GRIN2B: variants seen among roughly 807,000 people sequenced by gnomAD.
The protein encoded by GRIN2B is glutamate receptor ionotropic, NMDA 2B.
A neutral mutation model predicts 114.5 loss-of-function variants in GRIN2B; 5 were observed. The observed-to-expected ratio is 0.04, with a 90% CI of 0.02 to 0.09. GRIN2B has a LOEUF of 0.09. Among genes scored for constraint, GRIN2B ranks in the 10% least tolerant of loss-of-function variants. GRIN2B has a pLI of 1.00. For synonymous variants in GRIN2B, 787 were observed against 745.1 expected (o/e 1.06, Z -0.92); for missense variants, 1,108 against 1,943.5 (o/e 0.57, Z 8.08).
In GRIN2B at chr12:13,971,012, C is replaced by T. The variant is rs111880572; in HGVS notation, c.-19+8916G>A. Among the ~76,000 whole-genome samples the T allele has an allele frequency of 3.2e-4, 49 of 152,322 alleles. No homozygotes were observed. The South Asian group carries it at 4.1e-3, about 13-fold the overall frequency. On this transcript the variant is annotated intron_variant, in intron 2 of 13. Transcript: ENST00000609686. Reference sequence around the variant, plus strand: ...AGCAATTGTGGCTCCACAGAGCTCACGGGTGAAACTGATCTATCTGCATGG... The same window carrying T: ...AGCAATTGTGGCTCCACAGAGCTCATGGGTGAAACTGATCTATCTGCATGG...
In GRIN2B at chr12:13,555,795, T is replaced by C. The variant is rs1209340171; in HGVS notation, c.*6988A>G. 3.3e-5 allele frequency: 5 copies of C among 152,164 alleles called. No individual in the cohort carries two copies. Among genetic ancestry groups the C allele is most frequent in the African/African-American group, 1.2e-4 (5 of 41,438 alleles). 9.4% of individuals were successfully genotyped at this position (152,164 alleles called of 1,614,324 possible). On this transcript the variant is annotated 3_prime_UTR_variant, in exon 14 of 14. Transcript: ENST00000609686. ...TAAAACAAATTTATCAAGCACAGAA[T>C]GTGACACTGAGTCAACATTGGAGAA...
chr12:13,564,560 T>C lies in GRIN2B; in HGVS notation c.2678A>G (p.Asn893Ser). ...VMNSPTATMNNTHSNILRLLR... is the reference protein window; with the variant it reads ...VMNSPTATMNSTHSNILRLLR... ...CAGGCGCAGGATGTTGGAGTGTGTG[T>C]TGTTCATGGTTGCGGTGGGGGAGTT... is the stretch of plus-strand genomic sequence containing the variant. Residue 893 changes from asparagine (N) to serine (S), a missense_variant, in exon 14 of 14, where the codon AAC (asparagine) becomes AGC (serine). Around this residue, in one of 19 missense-constraint regions of GRIN2B, gnomAD observed 27 missense variants for 51.7 expected, o/e 0.52. Transcript: ENST00000609686. The surrounding 1 kb of genome is among the most constrained non-coding windows in gnomAD (Gnocchi z 4.8). 1 of 1,614,100 alleles carries C rather than the reference T, an allele frequency of 6.2e-7. No homozygotes were observed. The highest frequency in any genetic ancestry group is 8.5e-7 in the Non-Finnish European group (1 of 1,180,004).
Position 13,564,158 on chromosome 12 carries a change from A to C in GRIN2B, c.3080T>G (p.Leu1027Arg). 6.2e-7 allele frequency: 1 copy of C among 1,613,898 alleles called. No homozygotes were observed. The highest frequency in any genetic ancestry group is 8.5e-7 in the Non-Finnish European group (1 of 1,179,962). Residue 1027 changes from leucine to arginine, a missense_variant, in exon 14 of 14, where the codon CTC becomes CGC. Physicochemically the swap from Leu to Arg is moderately radical, Grantham distance 102. Around this residue, in one of 19 missense-constraint regions of GRIN2B, gnomAD observed 140 missense variants for 187.5 expected, o/e 0.75. Coordinates refer to ENST00000609686, the MANE Select transcript of GRIN2B (RefSeq NM_000834.5). This position sits in a 1 kb window ranked among gnomAD's most constrained non-coding sequence, Gnocchi z 4.8. ...SISKKPLDIG[L>R]PSSKHSQLSD... ...GAGCTGGCTGTGCTTGGAGGAGGGG[A>C]GGCCGATGTCCAGGGGCTTCTTGCT...
chr12:13,768,430 G>A (rs576170759), intron 3 of GRIN2B, among the ~76,000 whole-genome samples: 14 of 152,266 alleles, frequency 9.2e-5, no homozygotes, highest in Admixed American at 7.8e-4. Flanking sequence ...TGACAACCAA[G>A]GTCATGGGCA....
chr12:13,802,330 G>A (rs950073122), intron 3 of GRIN2B, among the ~76,000 whole-genome samples: 8 of 132,306 alleles, frequency 6.0e-5, no homozygotes, highest in Admixed American at 2.2e-4. Context: ...TTGCAAAGGC[G>A]GGGGAAGTGG....
At chr12:13,805,377 C>T (rs889396750) in intron 3 of GRIN2B, among the ~76,000 whole-genome samples, 5 of 152,064 alleles carry the variant, frequency 3.3e-5, no homozygotes, top group Non-Finnish European at 7.4e-5. Context: ...TCTAGAAAAG[C>T]CTGAAGGTCA....
chr12:13,563,080 A>T lies in GRIN2B; in HGVS notation c.4158T>A (p.Pro1386=). 6.2e-7 allele frequency: 1 copy of T among 1,614,174 alleles called. No homozygotes were observed. Among genetic ancestry groups the T allele is most frequent in the Non-Finnish European group, 8.5e-7 (1 of 1,180,028 alleles). ...SLYPDRVTQN[P]FIPTFGDDQC... is the part of the protein sequence containing the mutation. Reference sequence around the variant, plus strand: ...GGTCGTCCCCAAAAGTGGGGATGAAAGGGTTTTGCGTGACCCGGTCAGGGT... The same window carrying T: ...GGTCGTCCCCAAAAGTGGGGATGAATGGGTTTTGCGTGACCCGGTCAGGGT... The change falls in exon 14 of 14, where the codon CCT becomes CCA. Residue 1386 remains proline (P), a synonymous_variant. Coordinates refer to ENST00000609686, the MANE Select transcript of GRIN2B (RefSeq NM_000834.5).
Position 13,615,211 on chromosome 12 carries a change from T to A in GRIN2B, c.1557A>T (p.Arg519=). ...AVGSLTINEE[R]SEVVDFSVPF... is the part of the protein sequence containing the mutation. Reference sequence around the variant, plus strand: ...GCACAGAGAAGTCGACCACCTCCGATCGTTCCTCATTGATGGTGAGTGAGC... The same window carrying A: ...GCACAGAGAAGTCGACCACCTCCGAACGTTCCTCATTGATGGTGAGTGAGC... The change falls in exon 8 of 14, where the codon CGA becomes CGT. Residue 519 remains arginine, a synonymous_variant. Coordinates refer to ENST00000609686, the MANE Select transcript of GRIN2B (RefSeq NM_000834.5). This position sits in a 1 kb window ranked among gnomAD's most constrained non-coding sequence, Gnocchi z 5.8. 6.2e-7 allele frequency: 1 copy of A among 1,613,848 alleles called. No individual in the cohort carries two copies. Among genetic ancestry groups the A allele is most frequent in the Non-Finnish European group, 8.5e-7 (1 of 1,179,758 alleles).
intron 2 of GRIN2B, among the ~76,000 whole-genome samples, chr12:13,974,700 C>T (rs1862988667): frequency 6.6e-6 from 1 of 152,118 alleles, no homozygotes; most frequent in Non-Finnish European, 1.5e-5. Context: ...ATATAATTAT[C>T]TCTTTATACA....
At chr12:13,859,957 A>G (rs1355081920) in intron 3 of GRIN2B, among the ~76,000 whole-genome samples, 1 of 152,242 alleles carries the variant, frequency 6.6e-6, no homozygotes, top group East Asian at 1.9e-4. Context: ...GGAATATTAT[A>G]TCACAGACAA....
rs145388246 is a variant in GRIN2B at position 13,870,891 on chromosome 12, A to G, written c.-18-4665T>C. On this transcript the variant is annotated intron_variant, in intron 2 of 13. Transcript: ENST00000609686. ...ACAATGGAAGTCAAGAAGAGTATAAACGAGTATAACCTTTTTGGAGGTCAA... is the reference window on the plus strand; with the variant it reads ...ACAATGGAAGTCAAGAAGAGTATAAGCGAGTATAACCTTTTTGGAGGTCAA... Among the ~76,000 whole-genome samples the G allele has an allele frequency of 1.8e-3, 275 of 152,302 alleles. 1 individual carries two copies. The highest frequency in any genetic ancestry group is 2.7e-3 in the Non-Finnish European group (184 of 68,012).
Position 13,753,276 on chromosome 12 carries a change from T to A in GRIN2B, c.1010+41A>T. ...CCAACCCCAGTCTTTGAAGCTCCCC[T>A]CTCATCTCCACCATCAATGTGCCCT... On this transcript the variant is annotated intron_variant, in intron 4 of 13. Transcript: ENST00000609686. The surrounding 1 kb of genome is among the most constrained non-coding windows in gnomAD (Gnocchi z 6.2). The A allele has an allele frequency of 8.7e-7, 1 of 1,154,216 alleles. No homozygotes were observed. Among genetic ancestry groups the A allele is most frequent in the Non-Finnish European group, 1.3e-6 (1 of 760,502 alleles). 71.5% of individuals were successfully genotyped at this position (1,154,216 alleles called of 1,614,324 possible). A position where few individuals can be genotyped will look rare whatever the true frequency, so the allele number is the denominator to read the frequency against.
At chr12:13,763,109 CAGAG>C (rs1432534740) in intron 3 of GRIN2B, among the ~76,000 whole-genome samples, 1 of 151,256 alleles carries the variant, frequency 6.6e-6, no homozygotes, top group Non-Finnish European at 1.5e-5. Flanking sequence ...TAAAATTGCA[CAGAG>C]ACAGATTAAA....
chr12:13,652,673 C>T (rs894844339), intron 5 of GRIN2B, among the ~76,000 whole-genome samples: 12 of 152,106 alleles, frequency 7.9e-5, no homozygotes, highest in African/African-American at 2.9e-4. Flanking sequence ...GGCCTAACTC[C>T]AATCACCAAT....
intron 5 of GRIN2B, among the ~76,000 whole-genome samples, chr12:13,661,830 T>A (rs1949926753): frequency 6.6e-6 from 1 of 152,212 alleles, no homozygotes; most frequent in African/African-American, 2.4e-5. Context: ...TATGGGAATC[T>A]GAATTTTTAA....
At chr12:13,866,933 G>A (rs923003835) in intron 2 of GRIN2B, among the ~76,000 whole-genome samples, 3 of 152,210 alleles carry the variant, frequency 2.0e-5, no homozygotes, top group Non-Finnish European at 4.4e-5. Context: ...CCAAGGCTCA[G>A]AGAAGCTAAG....
At chr12:13,822,547 TA>T (rs747428661) in intron 3 of GRIN2B, among the ~76,000 whole-genome samples, 8 of 152,022 alleles carry the variant, frequency 5.3e-5, no homozygotes, top group Admixed American at 4.6e-4. Context: ...GAAATGAAGG[TA>T]GGGGGTAATA....
intron 2 of GRIN2B, among the ~76,000 whole-genome samples, chr12:13,900,010 C>T (rs1014078096): frequency 4.6e-5 from 7 of 152,178 alleles, no homozygotes; most frequent in African/African-American, 1.2e-4. Context: ...ATGTGGTTTT[C>T]ATGATGTTCC....
At chr12:13,732,100 T>C (rs574913692) in intron 4 of GRIN2B, among the ~76,000 whole-genome samples, 1 of 151,832 alleles carries the variant, frequency 6.6e-6, no homozygotes, top group East Asian at 1.9e-4. Flanking sequence ...AATGAGAGCA[T>C]ATAAGAGCTA....
Sources: gnomAD v4.1 joint callset for allele counts (sites outside exome capture counted in the v4.1 genomes callset) on GRCh38, gnomAD v4.1.1 for gene constraint, gnomAD v4.1.1 regional missense constraint, Gnocchi (gnomAD v3.1) non-coding constraint, MANE v1.5 for transcripts, NCBI Gene and HGNC (gene_info 2026-07-23, HGNC 2026-07-21) for gene names.